TSBP1: variants seen among roughly 807,000 people sequenced by gnomAD.
TSBP1 encodes testis-expressed basic protein 1.
In TSBP1, 56 loss-of-function variants were observed where a neutral mutation model predicts 68.8. The ratio of observed to expected loss-of-function variants is 0.81; its 90% CI spans 0.66 to 1.02. The LOEUF is 1.02. TSBP1 is among the 50% of genes least tolerant of loss of function. The probability of loss-of-function intolerance (pLI) is 0.00; values close to 1 mark genes in which losing one functional copy is unlikely to be tolerated. For synonymous variants in TSBP1, 171 were observed against 208.7 expected (o/e 0.82, Z 1.56); for missense variants, 502 against 641.2 (o/e 0.78, Z 2.34).
At chr6:32,293,236 A>G in exon 23 of TSBP1, 1 of 1,612,718 alleles carries the variant, frequency 6.2e-7, no homozygotes, top group East Asian at 2.2e-5. Flanking sequence ...CTTTTAGTAC[A>G]CCTGACTCAC....
intron 3 of TSBP1, 36 bp from the exon 4 acceptor site, chr6:32,367,993 TG>T: frequency 4.0e-6 from 6 of 1,491,338 alleles, no homozygotes; most frequent in South Asian, 2.3e-5. Flanking sequence ...TTTTGCTTCT[TG>T]ATTATTAAAT....
chr6:32,367,874 C>G (rs758841574), intron 4 of TSBP1, 51 bp downstream of exon 4: 33 of 1,387,268 alleles, frequency 2.4e-5, no homozygotes, highest in Non-Finnish European at 6.1e-6. Flanking sequence ...GATTCACACT[C>G]TAAAGAGTAT....
chr6:32,349,334 A>C (rs1260298053), intron 9 of TSBP1, among the ~76,000 whole-genome samples: 1 of 151,866 alleles, frequency 6.6e-6, no homozygotes, highest in Non-Finnish European at 1.5e-5. Flanking sequence ...TGCCAGCCTG[A>C]CTTGGGGATG....
intron 3 of TSBP1, 103 bp downstream of exon 3, chr6:32,368,679 C>G: frequency 8.0e-7 from 1 of 1,248,966 alleles, no homozygotes; most frequent in Non-Finnish European, 1.1e-6. Flanking sequence ...GTGCACTATG[C>G]AAGGTTCTGG....
chr6:32,353,232 A>T (rs2127635228), intron 8 of TSBP1, among the ~76,000 whole-genome samples: 1 of 152,088 alleles, frequency 6.6e-6, no homozygotes, highest in East Asian at 1.9e-4. Flanking sequence ...TAGAACTCTA[A>T]GAGCACAGCA....
chr6:32,326,467 A>T (rs746702026), intron 16 of TSBP1, among the ~76,000 whole-genome samples: 3 of 152,214 alleles, frequency 2.0e-5, no homozygotes, highest in Non-Finnish European at 4.4e-5. Context: ...TTTATTGCTA[A>T]ATGTAATAGT....
At chr6:32,310,408 TTC>T (rs1766261912) in intron 19 of TSBP1, among the ~76,000 whole-genome samples, 1 of 152,044 alleles carries the variant, frequency 6.6e-6, no homozygotes, top group Non-Finnish European at 1.5e-5. Context: ...ATTCTTTTAA[TTC>T]TCTCTTATCA....
intron 9 of TSBP1, among the ~76,000 whole-genome samples, chr6:32,348,544 C>A (rs1444185228): frequency 1.4e-5 from 2 of 139,366 alleles, no homozygotes; most frequent in Non-Finnish European, 3.2e-5. Context: ...TTAACATATG[C>A]ATGATTTTCT....
intron 6 of TSBP1, among the ~76,000 whole-genome samples, chr6:32,363,514 T>C: frequency 6.6e-6 from 1 of 151,372 alleles, no homozygotes; most frequent in Non-Finnish European, 1.5e-5. Context: ...ATCTTTCTGT[T>C]TTGTGTATCT....
chr6:32,293,159 C>G lies in TSBP1; in HGVS notation c.1514G>C (p.Arg505Thr), dbSNP rs753697939. Residue 505 changes from arginine to threonine, a missense_variant, in exon 23 of 23, where the codon AGA (arginine) becomes ACA (threonine). Coordinates refer to ENST00000612031, the Ensembl canonical transcript of TSBP1. ...TTTATTTGGATCTTTCTCTGCATCT[C>G]TCTCCTTTTCTTTATCATTATTTCC... 2.5e-6 allele frequency: 4 copies of G among 1,600,762 alleles called. No individual in the cohort carries two copies. In the African/African-American group the frequency reaches 4.0e-5, roughly 16 times the overall value.
intron 9 of TSBP1, among the ~76,000 whole-genome samples, chr6:32,341,237 A>G (rs2127613767): frequency 6.6e-6 from 1 of 152,316 alleles, no homozygotes; most frequent in Non-Finnish European, 1.5e-5. Flanking sequence ...TATCCTGCCA[A>G]AATACTGAAT....
At position 32,292,925 on chromosome 6, in the gene TSBP1, TG is replaced by T; in HGVS notation, c.*55del. The T allele has an allele frequency of 9.7e-7, 1 of 1,033,260 alleles. No homozygotes were observed. Among genetic ancestry groups the T allele is most frequent in the Non-Finnish European group, 1.5e-6 (1 of 689,334 alleles). The allele number at this position is 1,033,260 out of a possible 1,614,324, so 64.0% of individuals were successfully genotyped here. A position where few individuals can be genotyped will look rare whatever the true frequency, so the allele number is the denominator to read the frequency against. On this transcript the variant is annotated 3_prime_UTR_variant, in exon 23 of 23. Transcript: ENST00000612031. The surrounding 1 kb of genome is among the most constrained non-coding windows in gnomAD (Gnocchi z 4.1). ...CAATGGCTGGGATATGGTTTGTATC[TG>T]GAGTATGGGAATCATAATAATCACT...
At chr6:32,328,680 G>C (rs748679334) in intron 16 of TSBP1, among the ~76,000 whole-genome samples, 1 of 152,048 alleles carries the variant, frequency 6.6e-6, no homozygotes. Flanking sequence ...GCCTCCCAAA[G>C]TGCTAGGATT....
intron 22 of TSBP1, among the ~76,000 whole-genome samples, chr6:32,299,444 A>C (rs1317668277): frequency 1.3e-5 from 2 of 152,214 alleles, no homozygotes; most frequent in Non-Finnish European, 2.9e-5. Flanking sequence ...TATAACTAAA[A>C]AAAAGTTCTA....
At position 32,325,124 on chromosome 6, in the gene TSBP1, A is replaced by G. The variant is rs1768078199; in HGVS notation, c.515-1510T>C. The G allele has an allele frequency of 8.5e-6, 4 of 472,352 alleles. No individual in the cohort carries two copies. In the East Asian group the frequency reaches 1.3e-4, roughly 15 times the overall value. The allele number at this position is 472,352 out of a possible 1,614,324, so 29.3% of individuals were successfully genotyped here. Reference sequence around the variant, plus strand: ...TCTTTATTTTTTATGCGAGTCAGTGAATGTTCTAGAAACTTATTAATAATT... The same window carrying G: ...TCTTTATTTTTTATGCGAGTCAGTGGATGTTCTAGAAACTTATTAATAATT... On this transcript the variant is annotated intron_variant, in intron 16 of 22. Coordinates refer to ENST00000612031, the Ensembl canonical transcript of TSBP1. This position sits in a 1 kb window ranked among gnomAD's most constrained non-coding sequence, Gnocchi z 4.4.
At chr6:32,295,842 C>CTTTTTTTTTTTTTTTTTTTTTTTTTT (rs535371646) in intron 22 of TSBP1, among the ~76,000 whole-genome samples, 1 of 125,318 alleles carries the variant, frequency 8.0e-6, no homozygotes, top group Non-Finnish European at 1.7e-5. Flanking sequence ...AGGAAAATTT[C>CTTTTTTTTTTTTTTTTTTTTTTTTTT]TTTTTTTTTT....
chr6:32,359,201 G>A (rs185517804), intron 6 of TSBP1, among the ~76,000 whole-genome samples: 4 of 151,860 alleles, frequency 2.6e-5, no homozygotes, highest in African/African-American at 9.7e-5. Context: ...TCTAGTTCTA[G>A]ATCCCTGAGG....
chr6:32,329,326 C>G (rs1003982149), intron 16 of TSBP1, among the ~76,000 whole-genome samples: 1 of 152,034 alleles, frequency 6.6e-6, no homozygotes, highest in African/African-American at 2.4e-5. Flanking sequence ...CAGATGTGAC[C>G]CTTCCTTTAG....
chr6:32,313,840 G>A (rs1309429025), intron 19 of TSBP1, among the ~76,000 whole-genome samples: 1 of 152,168 alleles, frequency 6.6e-6, no homozygotes, highest in African/African-American at 2.4e-5. Flanking sequence ...CTGGACCTGT[G>A]TGGATGGCTT....
Sources: gnomAD v4.1 joint callset for allele counts (sites outside exome capture counted in the v4.1 genomes callset) on GRCh38, gnomAD v4.1.1 for gene constraint, Gnocchi (gnomAD v3.1) non-coding constraint, MANE v1.5 for transcripts, NCBI Gene and HGNC (gene_info 2026-07-23, HGNC 2026-07-21) for gene names.